FBXL4: variants seen among roughly 807,000 people sequenced by gnomAD.
The protein encoded by FBXL4 is F-box/LRR-repeat protein 4.
A neutral mutation model predicts 58.9 loss-of-function variants in FBXL4; 40 were observed. That is an observed-to-expected ratio of 0.68 (90% CI 0.53 to 0.88). FBXL4 has a LOEUF of 0.88. Among genes scored for constraint, FBXL4 ranks in the 40% least tolerant of loss-of-function variants. The pLI is 0.00. For synonymous variants in FBXL4, 263 were observed against 265.5 expected (o/e 0.99, Z 0.09); for missense variants, 676 against 734.4 (o/e 0.92, Z 0.92).
At chr6:98,932,570 A>G (rs1773052805) in intron 2 of FBXL4, among the ~76,000 whole-genome samples, 1 of 152,190 alleles carries the variant, frequency 6.6e-6, no homozygotes, top group Non-Finnish European at 1.5e-5. Context: ...TGGGGAATCG[A>G]TGAGGCGGAG....
chr6:98,908,025 T>A (rs1771879447), intron 5 of FBXL4, among the ~76,000 whole-genome samples: 1 of 152,172 alleles, frequency 6.6e-6, no homozygotes, highest in South Asian at 2.1e-4. Context: ...GTGGTCCCTA[T>A]ACCTAGAACG....
rs1413769928 is a variant in FBXL4 at position 98,871,120 on chromosome 6, T to C, written c.*3158A>G. 1.3e-5 allele frequency: 2 copies of C among 150,910 alleles called. No individual in the cohort carries two copies. Among genetic ancestry groups the C allele is most frequent in the African/African-American group, 2.4e-5 (1 of 41,122 alleles). The allele number at this position is 150,910 out of a possible 1,614,324, so 9.3% of individuals were successfully genotyped here. A position where few individuals can be genotyped will look rare whatever the true frequency, so the allele number is the denominator to read the frequency against. On this transcript the variant is annotated 3_prime_UTR_variant, in exon 10 of 10. Transcript: ENST00000369244. Reference sequence around the variant, plus strand: ...AACAAACTCAAAAATGAAAATAAAGTTGCAGCCAAAGTGACTCAGATGTTA... The same window carrying C: ...AACAAACTCAAAAATGAAAATAAAGCTGCAGCCAAAGTGACTCAGATGTTA...
intron 6 of FBXL4, 72 bp downstream of exon 6, chr6:98,905,354 T>C (rs1202123452): frequency 2.0e-6 from 3 of 1,525,598 alleles, no homozygotes; most frequent in African/African-American, 1.4e-5. Flanking sequence ...ACTTTTATTA[T>C]GAAAACCACT....
intron 2 of FBXL4, among the ~76,000 whole-genome samples, chr6:98,928,592 A>G (rs548565930): frequency 2.6e-5 from 4 of 152,270 alleles, no homozygotes; most frequent in East Asian, 1.9e-4. Flanking sequence ...GGCCTCCCAA[A>G]GTGCTGGGAT....
At chr6:98,920,200 A>G (rs1184755003) in intron 4 of FBXL4, among the ~76,000 whole-genome samples, 1 of 152,196 alleles carries the variant, frequency 6.6e-6, no homozygotes, top group Non-Finnish European at 1.5e-5. Flanking sequence ...TTAATAATGC[A>G]TTAATCTACA....
At chr6:98,879,464 A>G (rs1045653905) in intron 8 of FBXL4, among the ~76,000 whole-genome samples, 4 of 152,232 alleles carry the variant, frequency 2.6e-5, no homozygotes, top group Admixed American at 2.6e-4. Flanking sequence ...CCTTCTCCAC[A>G]CAAGATTTCT....
chr6:98,893,619 C>A (rs1771307822), intron 7 of FBXL4, among the ~76,000 whole-genome samples: 2 of 152,206 alleles, frequency 1.3e-5, no homozygotes, highest in Non-Finnish European at 2.9e-5. Context: ...CAGCCCATAA[C>A]ACAAGTATTT....
Position 98,926,801 on chromosome 6 carries a change from G to T in FBXL4, c.188C>A (p.Ser63Tyr). Residue 63 changes from serine (S) to tyrosine (Y), a missense_variant, in exon 4 of 10, where the codon TCC becomes TAC. By Grantham distance (144) the Ser-to-Tyr change is moderately radical. Coordinates refer to ENST00000369244, the MANE Select transcript of FBXL4 (RefSeq NM_001278716.2). ...CATACTATTCTCACTTCCATAATGG[G>T]AACTGAAATCCACTACTTCTTTGGC... Reference protein sequence around the residue: ...QYAKEVVDFSSHYGSENSMSY... With the variant: ...QYAKEVVDFSYHYGSENSMSY... 1 of 1,614,184 alleles carries T rather than the reference G, an allele frequency of 6.2e-7. No individual in the cohort carries two copies. The highest frequency in any genetic ancestry group is 8.5e-7 in the Non-Finnish European group (1 of 1,180,028).
chr6:98,922,881 G>A (rs1487065981), intron 4 of FBXL4, among the ~76,000 whole-genome samples: 1 of 152,094 alleles, frequency 6.6e-6, no homozygotes, highest in Non-Finnish European at 1.5e-5. Flanking sequence ...AAGTCTATGA[G>A]TTCCCTAATT....
At chr6:98,929,425 G>T (rs563443450) in intron 2 of FBXL4, among the ~76,000 whole-genome samples, 15 of 152,126 alleles carry the variant, frequency 9.9e-5, no homozygotes, top group African/African-American at 3.4e-4. Flanking sequence ...TATAAAATTA[G>T]CCAGGCATGG....
At chr6:98,895,175 CTACT>C (rs1298761574) in intron 7 of FBXL4, among the ~76,000 whole-genome samples, 1 of 152,168 alleles carries the variant, frequency 6.6e-6, no homozygotes, top group African/African-American at 2.4e-5. Context: ...CCTATATAAA[CTACT>C]TACTTAAAGC....
Position 98,926,893 on chromosome 6 carries a change from C to T in FBXL4, c.96G>A (p.Met32Ile). 9.9e-6 allele frequency: 16 copies of T among 1,614,116 alleles called. No individual in the cohort carries two copies. The highest frequency in any genetic ancestry group is 1.3e-5 in the African/African-American group (1 of 75,034). Residue 32 changes from methionine to isoleucine, a missense_variant, in exon 4 of 10, where the codon ATG becomes ATA. By Grantham distance (10) the Met-to-Ile change is conservative (BLOSUM62 1). Coordinates refer to ENST00000369244, the MANE Select transcript of FBXL4 (RefSeq NM_001278716.2). The part of the protein sequence containing the change: ...RARTATRGEM[M>I]NTHRAIESNS... ...TTGATTCTATAGCTCTATGGGTGTTCATCATTTCTCCTCTTGTAGCTGTCC... is the reference window on the plus strand; with the variant it reads ...TTGATTCTATAGCTCTATGGGTGTTTATCATTTCTCCTCTTGTAGCTGTCC...
intron 1 of FBXL4, among the ~76,000 whole-genome samples, chr6:98,946,029 T>A (rs1773608292): frequency 6.6e-6 from 1 of 152,096 alleles, no homozygotes; most frequent in Admixed American, 6.5e-5. Context: ...AGAAAGGGAA[T>A]CAACTTGCCC....
chr6:98,913,035 T>G (rs1326878852), intron 5 of FBXL4, among the ~76,000 whole-genome samples: 1 of 151,916 alleles, frequency 6.6e-6, no homozygotes, highest in Non-Finnish European at 1.5e-5. Context: ...TCCTAGTCTC[T>G]GATAAAACAG....
intron 1 of FBXL4, among the ~76,000 whole-genome samples, chr6:98,945,533 G>T (rs1399081434): frequency 6.6e-6 from 1 of 152,138 alleles, no homozygotes; most frequent in Non-Finnish European, 1.5e-5. Context: ...CTCCTTTAAG[G>T]ATTTCTGTAT....
chr6:98,898,375 T>A (rs1356023832), intron 7 of FBXL4: 1 of 985,252 alleles, frequency 1.0e-6, no homozygotes, highest in Non-Finnish European at 1.2e-6. Flanking sequence ...TAGGACTCTA[T>A]CCAACAGCAG....
intron 8 of FBXL4, among the ~76,000 whole-genome samples, chr6:98,878,128 C>A (rs557977299): frequency 7.2e-5 from 11 of 152,052 alleles, no homozygotes; most frequent in African/African-American, 2.7e-4. Context: ...GAATACTCAG[C>A]GAAGGTATAT....
intron 9 of FBXL4, among the ~76,000 whole-genome samples, chr6:98,874,778 GATGTAAA>G (rs1011202189): frequency 6.6e-6 from 1 of 152,144 alleles, no homozygotes; most frequent in Non-Finnish European, 1.5e-5. Context: ...CCATGCATTT[GATGTAAA>G]ATGTGCAAGT....
chr6:98,917,410 C>A lies in FBXL4; in HGVS notation c.822G>T (p.Gly274=), dbSNP rs774255399. The stretch of plus-strand genomic sequence containing the variant: ...GTTTATCAAAATACCCATTATTTGG[C>A]CCTTCCCCGAGGACAGCACTGCTAA... ...KKFSSAVLGE[G]PNNGYFDKLP... The change falls in exon 5 of 10, where the codon GGG becomes GGT. Residue 274 remains glycine, a synonymous_variant. Transcript: ENST00000369244. 2 of 1,610,966 alleles carry A rather than the reference C, an allele frequency of 1.2e-6. No individual in the cohort carries two copies. Among genetic ancestry groups the A allele is most frequent in the African/African-American group, 2.7e-5 (2 of 74,936 alleles).
Sources: allele counts gnomAD v4.1 joint callset (sites outside exome capture counted in the v4.1 genomes callset), GRCh38; gene constraint gnomAD v4.1.1; transcripts MANE v1.5; gene names NCBI Gene and HGNC (gene_info 2026-07-23, HGNC 2026-07-21).